Variants in SIM2 observed in about 807,000 individuals in gnomAD.
SIM2 encodes the protein single-minded homolog 2.
A neutral mutation model predicts 64.8 loss-of-function variants in SIM2; 28 were observed. That is an observed-to-expected ratio of 0.43 (90% confidence interval 0.32 to 0.59). The LOEUF is 0.59. Among genes scored for constraint, SIM2 ranks in the 20% least tolerant of loss-of-function variants. SIM2 has a pLI of 0.07. For synonymous variants in SIM2, 408 were observed against 391.1 expected (o/e 1.04, Z -0.51); for missense variants, 847 against 871.4 (o/e 0.97, Z 0.35).
intron 3 of SIM2, among the ~76,000 whole-genome samples, chr21:36,717,997 C>T (rs2088769213): frequency 6.6e-6 from 1 of 152,126 alleles, no homozygotes; most frequent in Non-Finnish European, 1.5e-5. Context: ...TGAGAAAGTG[C>T]CAGGCTTGGG....
rs2089284260 is a variant in SIM2 at position 36,749,045 on chromosome 21, G to A, written c.*953G>A. On this transcript the variant is annotated 3_prime_UTR_variant, in exon 11 of 11. Coordinates refer to ENST00000290399, the MANE Select transcript of SIM2 (RefSeq NM_005069.6). ...GTGAAGGAAAAACATGCTTAAGGGGGTGTAATGAAAATGATGTAGACATTT... is the reference window on the plus strand; with the variant it reads ...GTGAAGGAAAAACATGCTTAAGGGGATGTAATGAAAATGATGTAGACATTT... The A allele has an allele frequency of 6.6e-6, 1 of 152,634 alleles. No homozygotes were observed. The highest frequency in any genetic ancestry group is 2.4e-5 in the African/African-American group (1 of 41,444). 9.5% of individuals were successfully genotyped at this position (152,634 alleles called of 1,614,324 possible).
At chr21:36,725,818 G>T (rs931182619) in intron 5 of SIM2, among the ~76,000 whole-genome samples, 1 of 151,990 alleles carries the variant, frequency 6.6e-6, no homozygotes, top group Non-Finnish European at 1.5e-5. Context: ...AAGGGGTTTC[G>T]CCATGTCACC....
At chr21:36,733,320 G>A (rs1360612958) in intron 7 of SIM2, among the ~76,000 whole-genome samples, 1 of 152,016 alleles carries the variant, frequency 6.6e-6, no homozygotes, top group Non-Finnish European at 1.5e-5. Flanking sequence ...TGCCTCCTGG[G>A]TTCAAGCAAT....
chr21:36,715,075 A>C (rs185648891), intron 3 of SIM2, among the ~76,000 whole-genome samples: 1 of 152,198 alleles, frequency 6.6e-6, no homozygotes, highest in African/African-American at 2.4e-5. Flanking sequence ...ATTTGCATAG[A>C]GCAACTGATT....
At chr21:36,700,808 T>C (rs1056534422) in intron 1 of SIM2, among the ~76,000 whole-genome samples, 1 of 152,214 alleles carries the variant, frequency 6.6e-6, no homozygotes, top group African/African-American at 2.4e-5. Context: ...AATTCGAAAA[T>C]GGCAGACAGA....
At chr21:36,737,482 AG>A (rs772525568) in intron 7 of SIM2, among the ~76,000 whole-genome samples, 1 of 152,238 alleles carries the variant, frequency 6.6e-6, no homozygotes, top group Non-Finnish European at 1.5e-5. Flanking sequence ...GGCTGAGCAC[AG>A]CCTGGTCCAT....
At chr21:36,718,801 C>T (rs1371392473) in intron 3 of SIM2, among the ~76,000 whole-genome samples, 1 of 152,204 alleles carries the variant, frequency 6.6e-6, no homozygotes, top group Non-Finnish European at 1.5e-5. Flanking sequence ...GGCTGCTCTG[C>T]TAGTCATTTC....
rs772347076 is a variant in SIM2, at chr21:36,699,865, C to G, written c.119C>G (p.Ala40Gly). The G allele has an allele frequency of 1.4e-5, 23 of 1,608,916 alleles. 1 individual carries two copies. The African/African-American group carries it at 2.1e-4, about 15-fold the overall frequency. The stretch of plus-strand genomic sequence containing the variant: ...GCCATCACTTCGCAGCTGGACAAAG[C>G]GTCCATCATCCGCCTCACCACGAGC... ...PSAITSQLDK[A>G]SIIRLTTSYL... The change falls in exon 1 of 11, where the codon GCG becomes GGG. Residue 40 changes from alanine to glycine, a missense_variant. Physicochemically the swap from Ala to Gly is moderately conservative, Grantham distance 60. Around this residue, in one of 3 missense-constraint regions of SIM2, gnomAD observed 397 missense variants for 439.2 expected, o/e 0.90. Coordinates refer to ENST00000290399, the MANE Select transcript of SIM2 (RefSeq NM_005069.6). This position sits in a 1 kb window ranked among gnomAD's most constrained non-coding sequence, Gnocchi z 5.6.
At chr21:36,704,888 C>G (rs1289606987) in intron 1 of SIM2, among the ~76,000 whole-genome samples, 1 of 152,178 alleles carries the variant, frequency 6.6e-6, no homozygotes, top group African/African-American at 2.4e-5. Flanking sequence ...GCGCAAGAAG[C>G]GGGCTTTTCA....
chr21:36,739,482 C>T (rs952607606), intron 7 of SIM2, among the ~76,000 whole-genome samples: 16 of 152,186 alleles, frequency 1.1e-4, no homozygotes, highest in African/African-American at 3.9e-4. Flanking sequence ...TTAATGGCTG[C>T]ATAGTTTGCC....
chr21:36,716,831 A>G (rs144470952), intron 3 of SIM2, among the ~76,000 whole-genome samples: 1 of 151,388 alleles, frequency 6.6e-6, no homozygotes, highest in Non-Finnish European at 1.5e-5. Flanking sequence ...GATGCATGAG[A>G]CCCAGGGAGT....
chr21:36,738,184 C>A (rs2089101465), intron 7 of SIM2, among the ~76,000 whole-genome samples: 1 of 151,940 alleles, frequency 6.6e-6, no homozygotes, highest in Admixed American at 6.6e-5. Context: ...CCACCTCACC[C>A]CCATACGTAT....
At chr21:36,740,499 C>T (rs1024036647) in intron 7 of SIM2, among the ~76,000 whole-genome samples, 14 of 152,070 alleles carry the variant, frequency 9.2e-5, no homozygotes, top group East Asian at 1.9e-4. Flanking sequence ...TCAATCTGTA[C>T]GAACCCCCTA....
In SIM2 at chr21:36,747,622, C is replaced by T; in HGVS notation, c.1577-43C>T. On this transcript the variant is annotated intron_variant, in intron 10 of 10. Coordinates refer to ENST00000290399, the MANE Select transcript of SIM2 (RefSeq NM_005069.6). This position sits in a 1 kb window ranked among gnomAD's most constrained non-coding sequence, Gnocchi z 4.5. ...GGGCTTGGGGGTGGGGTGGCTGCGGCCGCGCCCCTTGCTGCCCTCTAACGT... is the reference window on the plus strand; with the variant it reads ...GGGCTTGGGGGTGGGGTGGCTGCGGTCGCGCCCCTTGCTGCCCTCTAACGT... 4 of 1,191,548 alleles carry T rather than the reference C, an allele frequency of 3.4e-6. No homozygotes were observed. Among genetic ancestry groups the T allele is most frequent in the South Asian group, 3.8e-5 (1 of 26,380 alleles). 73.8% of individuals were successfully genotyped at this position (1,191,548 alleles called of 1,614,324 possible).
intron 3 of SIM2, among the ~76,000 whole-genome samples, chr21:36,714,434 G>A (rs907962297): frequency 1.3e-5 from 2 of 152,130 alleles, no homozygotes; most frequent in South Asian, 4.1e-4. Context: ...TGTCTGATAG[G>A]GCAGGTTCTT....
Position 36,699,954 on chromosome 21 carries a change from G to T in SIM2, c.175+33G>T. 1 of 1,551,324 alleles carries T rather than the reference G, an allele frequency of 6.4e-7. No individual in the cohort carries two copies. ...CTCAGGTGGGCGGCCGGGGACGCTGGGGAGCCCGGCGGCCCCGGCCCAGGC... is the reference window on the plus strand; with the variant it reads ...CTCAGGTGGGCGGCCGGGGACGCTGTGGAGCCCGGCGGCCCCGGCCCAGGC... On this transcript the variant is annotated intron_variant, in intron 1 of 10. Transcript: ENST00000290399. The surrounding 1 kb of genome is among the most constrained non-coding windows in gnomAD (Gnocchi z 5.6).
intron 4 of SIM2, among the ~76,000 whole-genome samples, chr21:36,721,396 A>C (rs1342201330): frequency 6.6e-6 from 1 of 152,184 alleles, no homozygotes; most frequent in African/African-American, 2.4e-5. Flanking sequence ...TGCAGAACAT[A>C]GTGCTGTTAC....
chr21:36,718,474 G>C (rs895182482), intron 3 of SIM2, among the ~76,000 whole-genome samples: 1 of 152,184 alleles, frequency 6.6e-6, no homozygotes, highest in Non-Finnish European at 1.5e-5. Flanking sequence ...AAATAACAAG[G>C]GGGTGGCTCG....
Position 36,745,379 on chromosome 21 carries a change from A to C in SIM2, c.1576+243A>C. On this transcript the variant is annotated intron_variant, in intron 10 of 10. Transcript: ENST00000290399. The surrounding 1 kb of genome is among the most constrained non-coding windows in gnomAD (Gnocchi z 4.8). ...GTGACAGTATAAAGGGCAAAGGAAAACCGAGTATCTGGCCTTCACGTAAAT... is the reference window on the plus strand; with the variant it reads ...GTGACAGTATAAAGGGCAAAGGAAACCCGAGTATCTGGCCTTCACGTAAAT... 1 of 1,384,144 alleles carries C rather than the reference A, an allele frequency of 7.2e-7. No homozygotes were observed. Among genetic ancestry groups the C allele is most frequent in the Non-Finnish European group, 9.4e-7 (1 of 1,059,290 alleles). 85.7% of individuals were successfully genotyped at this position (1,384,144 alleles called of 1,614,324 possible).
Sources: allele counts gnomAD v4.1 joint callset (sites outside exome capture counted in the v4.1 genomes callset), GRCh38; gene constraint gnomAD v4.1.1; regional missense constraint gnomAD v4.1.1; non-coding constraint Gnocchi (gnomAD v3.1); transcripts MANE v1.5; gene names NCBI Gene and HGNC (gene_info 2026-07-23, HGNC 2026-07-21).